Variants in GFOD1 observed in about 807,000 individuals in gnomAD.
GFOD1 encodes the protein glucose-fructose oxidoreductase domain-containing protein 1.
In GFOD1, 9 loss-of-function variants were observed where a neutral mutation model predicts 25.4. The observed-to-expected ratio is 0.35, with a 90% CI of 0.21 to 0.62. The LOEUF is 0.62. GFOD1 is among the 20% of genes least tolerant of loss of function. The pLI is 0.72. For missense variants in GFOD1, 403 were observed against 556.9 expected, an observed-to-expected ratio of 0.72 and a Z score of 2.78; for synonymous variants, 253 against 245.6, an observed-to-expected ratio of 1.03 and a Z score of -0.28.
chr6:13,359,365 G>T lies in GFOD1; in HGVS notation c.*5378C>A, dbSNP rs1043463774. 5 of 152,242 alleles carry T rather than the reference G, an allele frequency of 3.3e-5. No homozygotes were observed. The highest frequency in any genetic ancestry group is 9.7e-5 in the African/African-American group (4 of 41,448). 9.4% of individuals were successfully genotyped at this position (152,242 alleles called of 1,614,324 possible). On this transcript the variant is annotated 3_prime_UTR_variant, in exon 2 of 2. Transcript: ENST00000379287. ...TCCCCAATGTCATGGCCTCTGCTCT[G>T]TAAACTCCAAGGCTCTGATGGCCAA... is the stretch of plus-strand genomic sequence containing the variant.
chr6:13,474,697 G>A (rs981214299), intron 1 of GFOD1, among the ~76,000 whole-genome samples: 1 of 152,090 alleles, frequency 6.6e-6, no homozygotes, highest in Non-Finnish European at 1.5e-5. Context: ...GGATTCAAAA[G>A]GTATTTACTA....
intron 1 of GFOD1, among the ~76,000 whole-genome samples, chr6:13,391,942 G>A (rs1785622699): frequency 6.6e-6 from 1 of 152,196 alleles, no homozygotes; most frequent in Admixed American, 6.5e-5. Context: ...ACAGTTACTT[G>A]TAGTAGACAG....
chr6:13,457,456 C>T (rs1199361105), intron 1 of GFOD1, among the ~76,000 whole-genome samples: 1 of 152,192 alleles, frequency 6.6e-6, no homozygotes. Flanking sequence ...CTCCCTCTTA[C>T]CCCCAACCCA....
intron 1 of GFOD1, among the ~76,000 whole-genome samples, chr6:13,467,984 G>A (rs1311143561): frequency 6.6e-6 from 1 of 152,112 alleles, no homozygotes; most frequent in Non-Finnish European, 1.5e-5. Flanking sequence ...CAGAGCCAAA[G>A]GATCACAGAA....
chr6:13,420,022 T>C (rs982835422), intron 1 of GFOD1, among the ~76,000 whole-genome samples: 2 of 152,180 alleles, frequency 1.3e-5, no homozygotes, highest in African/African-American at 2.4e-5. Context: ...GTGAGCTCCA[T>C]GCAGGCAGGA....
intron 1 of GFOD1, among the ~76,000 whole-genome samples, chr6:13,423,338 T>C (rs1291831391): frequency 6.6e-6 from 1 of 152,208 alleles, no homozygotes; most frequent in Non-Finnish European, 1.5e-5. Flanking sequence ...GAGCCCATCT[T>C]AGGTCAAGGA....
At chr6:13,384,686 C>T (rs1306339096) in intron 1 of GFOD1, among the ~76,000 whole-genome samples, 2 of 152,212 alleles carry the variant, frequency 1.3e-5, no homozygotes, top group Admixed American at 6.5e-5. Context: ...ACCACTGACA[C>T]GCTAACTCGC....
At chr6:13,476,513 T>C (rs890070316) in intron 1 of GFOD1, among the ~76,000 whole-genome samples, 1 of 152,178 alleles carries the variant, frequency 6.6e-6, no homozygotes, top group Non-Finnish European at 1.5e-5. Context: ...AATATATAAA[T>C]TTACTAAAAA....
intron 1 of GFOD1, among the ~76,000 whole-genome samples, chr6:13,431,139 G>A (rs940585453): frequency 1.3e-5 from 2 of 152,192 alleles, no homozygotes; most frequent in African/African-American, 4.8e-5. Context: ...AGTTGGAGAA[G>A]GGAAACTGAA....
intron 1 of GFOD1, among the ~76,000 whole-genome samples, chr6:13,371,249 C>T (rs1339211174): frequency 2.0e-5 from 3 of 152,192 alleles, no homozygotes; most frequent in African/African-American, 7.2e-5. Context: ...GAGAAACCTA[C>T]AAAGGCTTTC....
chr6:13,467,469 A>G (rs1233952773), intron 1 of GFOD1, among the ~76,000 whole-genome samples: 1 of 152,210 alleles, frequency 6.6e-6, no homozygotes, highest in Non-Finnish European at 1.5e-5. Context: ...AAGAGATTCA[A>G]GCAGATGGTG....
intron 1 of GFOD1, among the ~76,000 whole-genome samples, chr6:13,452,025 T>G (rs1758107274): frequency 6.6e-6 from 1 of 152,092 alleles, no homozygotes; most frequent in South Asian, 2.1e-4. Context: ...TTCTATCACG[T>G]GGACTGGGAA....
intron 1 of GFOD1, among the ~76,000 whole-genome samples, chr6:13,403,096 G>A (rs1264210213): frequency 6.7e-6 from 1 of 149,540 alleles, no homozygotes; most frequent in Non-Finnish European, 1.5e-5. Context: ...TTTGTTGTGT[G>A]TGTGTGTGTG....
chr6:13,386,506 G>A (rs1357332605), intron 1 of GFOD1, among the ~76,000 whole-genome samples: 1 of 152,208 alleles, frequency 6.6e-6, no homozygotes, highest in Non-Finnish European at 1.5e-5. Flanking sequence ...TGGGCAGACA[G>A]GTGGGCTAAC....
At chr6:13,419,693 C>A (rs78494325) in intron 1 of GFOD1, among the ~76,000 whole-genome samples, 2,904 of 152,292 alleles carry the variant, frequency 0.019, 95 homozygotes, top group African/African-American at 0.064. Flanking sequence ...ACTTCTCCCC[C>A]TCGCTTGTTT....
intron 1 of GFOD1, among the ~76,000 whole-genome samples, chr6:13,368,909 A>T (rs1785097854): frequency 6.6e-6 from 1 of 152,206 alleles, no homozygotes; most frequent in Admixed American, 6.5e-5. Flanking sequence ...TGAGACTCAC[A>T]TGTGGATTCC....
At chr6:13,428,014 G>A (rs991623316) in intron 1 of GFOD1, among the ~76,000 whole-genome samples, 8 of 152,078 alleles carry the variant, frequency 5.3e-5, no homozygotes, top group South Asian at 2.1e-4. Flanking sequence ...ACACCTCCAC[G>A]CCTGGCTGGG....
At chr6:13,422,853 G>A (rs367767895) in intron 1 of GFOD1, among the ~76,000 whole-genome samples, 11 of 152,194 alleles carry the variant, frequency 7.2e-5, no homozygotes, top group African/African-American at 2.7e-4. Flanking sequence ...GTCTTGGCCT[G>A]GTTTAACAAT....
intron 1 of GFOD1, among the ~76,000 whole-genome samples, chr6:13,457,086 T>C (rs1018768502): frequency 2.6e-5 from 4 of 152,160 alleles, no homozygotes; most frequent in African/African-American, 9.7e-5. Context: ...AGCCCACAGC[T>C]AGCAGAGCAG....
Sources: allele counts gnomAD v4.1 joint callset (sites outside exome capture counted in the v4.1 genomes callset), GRCh38; gene constraint gnomAD v4.1.1; transcripts MANE v1.5; gene names NCBI Gene and HGNC (gene_info 2026-07-23, HGNC 2026-07-21).